Variants in ORM1 observed in about 807,000 individuals in gnomAD.
ORM1 encodes the protein orosomucoid 1.
ORM1 carries 13 observed loss-of-function variants against 26.9 expected under a neutral mutation model. That is an observed-to-expected ratio of 0.48 (90% CI 0.31 to 0.77). The LOEUF is 0.77. Ranked by LOEUF, ORM1 falls within the 30% of genes least tolerant of loss-of-function variation. The pLI, the probability that ORM1 is intolerant of heterozygous loss-of-function variation, is 0.04. For synonymous variants in ORM1, 76 were observed against 102.2 expected, an observed-to-expected ratio of 0.74 and a Z score of 1.55; for missense variants, 189 against 246.8, an observed-to-expected ratio of 0.77 and a Z score of 1.57.
Position 114,323,732 on chromosome 9 carries a change from A to G in ORM1, c.184A>G (p.Ile62Val), listed in dbSNP as rs151080216. 1.1e-4 allele frequency: 176 copies of G among 1,613,810 alleles called. 1 individual carries two copies. The highest frequency in any genetic ancestry group is 1.5e-4 in the Non-Finnish European group (174 of 1,179,884). ...GGAGTACAATAAGTCGGTTCAGGAG[A>G]TCCAAGCAACCTTCTTTTACTTCAC... ...NEEYNKSVQE[I>V]QATFFYFTPN... Residue 62 changes from isoleucine (I) to valine (V), a missense_variant, in exon 2 of 6, where the codon ATC (isoleucine) becomes GTC (valine). Around this residue, in one of 3 missense-constraint regions of ORM1, gnomAD observed 163 missense variants for 157.7 expected, o/e 1.03. Transcript: ENST00000259396.
chr9:114,324,022 G>C lies in ORM1; in HGVS notation c.262G>C (p.Asp88His). 1 of 1,614,004 alleles carries C rather than the reference G, an allele frequency of 6.2e-7. No homozygotes were observed. The change falls in exon 3 of 6, where the codon GAC becomes CAC. Residue 88 changes from aspartate to histidine, a missense_variant. By Grantham distance (81) the Asp-to-His change is moderately conservative. Transcript: ENST00000259396. ...IFLREYQTRQ[D>H]QCIYNTTYLN... Reference sequence around the variant, plus strand: ...CCGCCTTCTGTTTGGCTTTAGACAGGACCAGTGCATCTATAACACCACCTA... The same window carrying C: ...CCGCCTTCTGTTTGGCTTTAGACAGCACCAGTGCATCTATAACACCACCTA...
chr9:114,325,228 G>A lies in ORM1; in HGVS notation c.540+76G>A, dbSNP rs1933292. 4.5e-4 allele frequency: 634 copies of A among 1,417,284 alleles called. 3 individuals carry two copies. Among genetic ancestry groups the A allele is most frequent in the Middle Eastern group, 1.5e-3 (8 of 5,398 alleles). 87.8% of individuals were successfully genotyped at this position (1,417,284 alleles called of 1,614,324 possible). A position where few individuals can be genotyped will look rare whatever the true frequency, so the allele number is the denominator to read the frequency against. On this transcript the variant is annotated intron_variant, in intron 5 of 5. Coordinates refer to ENST00000259396, the MANE Select transcript of ORM1 (RefSeq NM_000607.4). Reference sequence around the variant, plus strand: ...GCAGCCCCAGAGGCCCAGAGCAGGAGAGCTGCCAGGCAAGGCTGCACAGCT... The same window carrying A: ...GCAGCCCCAGAGGCCCAGAGCAGGAAAGCTGCCAGGCAAGGCTGCACAGCT...
In ORM1 at chr9:114,324,048, C is replaced by T; in HGVS notation, c.288C>T (p.Tyr96=). 2.5e-6 allele frequency: 4 copies of T among 1,614,084 alleles called. 1 individual carries two copies. The highest frequency in any genetic ancestry group is 3.3e-5 in the Admixed American group (2 of 60,018). The change falls in exon 3 of 6, where the codon TAC becomes TAT. Residue 96 remains tyrosine (Y), a synonymous_variant. Transcript: ENST00000259396. ...RQDQCIYNTT[Y]LNVQRENGTI... ...ACCAGTGCATCTATAACACCACCTA[C>T]CTGAATGTCCAGCGGGAAAATGGGA... is the stretch of plus-strand genomic sequence containing the variant.
At chr9:114,325,630 C>A (rs963152962) in intron 5 of ORM1, among the ~76,000 whole-genome samples, 7 of 152,170 alleles carry the variant, frequency 4.6e-5, no homozygotes, top group African/African-American at 1.7e-4. Flanking sequence ...ATAATGAGCT[C>A]CTTAACACTT....
At position 114,324,137 on chromosome 9, in the gene ORM1, G is replaced by A. The variant is rs746043616; in HGVS notation, c.328+49G>A. On this transcript the variant is annotated intron_variant, in intron 3 of 5. Transcript: ENST00000259396. ...AGGGTTCACTGTGGGAACAGGGCAG[G>A]CCAGCATAAGGTGGGGGCTGGATGT... 3.9e-6 allele frequency: 6 copies of A among 1,555,066 alleles called. No individual in the cohort carries two copies. The South Asian group carries it at 6.7e-5, about 17-fold the overall frequency.
rs1829742553 is a variant in ORM1, at chr9:114,324,814, A to C, written c.353A>C (p.His118Pro). 1 of 1,614,032 alleles carries C rather than the reference A, an allele frequency of 6.2e-7. No homozygotes were observed. Among genetic ancestry groups the C allele is most frequent in the Non-Finnish European group, 8.5e-7 (1 of 1,179,940 alleles). ...GTGGGAGGCCAAGAGCATTTCGCTC[A>C]CTTGCTGATCCTCAGGGACACCAAG... is the stretch of plus-strand genomic sequence containing the variant. ...RYVGGQEHFAHLLILRDTKTY... is the reference protein window; with the variant it reads ...RYVGGQEHFAPLLILRDTKTY... Residue 118 changes from histidine (H) to proline (P), a missense_variant, in exon 4 of 6, where the codon CAC (histidine) becomes CCC (proline). By Grantham distance (77) the His-to-Pro change is moderately conservative. Around this residue, in one of 3 missense-constraint regions of ORM1, gnomAD observed 163 missense variants for 157.7 expected, o/e 1.03. Transcript: ENST00000259396.
intron 3 of ORM1, 131 bp downstream of exon 3, chr9:114,324,219 C>G (rs550434759): frequency 1.4e-5 from 12 of 878,972 alleles, no homozygotes; most frequent in Non-Finnish European, 1.8e-6. Context: ...TGAGCTCTAA[C>G]GATGTGCTCA....
chr9:114,325,216 C>G lies in ORM1; in HGVS notation c.540+64C>G, dbSNP rs1366712202. 3.2e-5 allele frequency: 48 copies of G among 1,483,120 alleles called. 1 individual carries two copies. Among genetic ancestry groups the G allele is most frequent in the Non-Finnish European group, 4.5e-5 (48 of 1,064,090 alleles). The allele number at this position is 1,483,120 out of a possible 1,614,324, so 91.9% of individuals were successfully genotyped here. A position where few individuals can be genotyped will look rare whatever the true frequency, so the allele number is the denominator to read the frequency against. ...GGCCCAACTTGGGCAGCCCCAGAGG[C>G]CCAGAGCAGGAGAGCTGCCAGGCAA... On this transcript the variant is annotated intron_variant, in intron 5 of 5. Coordinates refer to ENST00000259396, the MANE Select transcript of ORM1 (RefSeq NM_000607.4).
In ORM1 at chr9:114,324,028, TG is replaced by T; in HGVS notation, c.269del (p.Cys90SerfsTer8). 6.2e-7 allele frequency: 1 copy of T among 1,613,940 alleles called. No homozygotes were observed. The highest frequency in any genetic ancestry group is 8.5e-7 in the Non-Finnish European group (1 of 1,179,976). On this transcript the variant is annotated frameshift_variant, in exon 3 of 6. Coordinates refer to ENST00000259396, the MANE Select transcript of ORM1 (RefSeq NM_000607.4). LOFTEE classifies it high-confidence loss of function. Reference protein sequence around the residue: ...LREYQTRQDQCIYNTTYLNVQ... With the variant: ...LREYQTRQDQXIYNTTYLNVQ... ...TCTGTTTGGCTTTAGACAGGACCAG[TG>T]CATCTATAACACCACCTACCTGAAT... is the stretch of plus-strand genomic sequence containing the variant.
intron 5 of ORM1, among the ~76,000 whole-genome samples, chr9:114,325,442 G>A (rs1163087071): frequency 2.6e-5 from 4 of 151,762 alleles, no homozygotes; most frequent in Admixed American, 6.6e-5. Context: ...GGGACGTAAT[G>A]CGGGGAGTTA....
intron 1 of ORM1, 160 bp downstream of exon 1, chr9:114,323,407 G>C: frequency 1.1e-6 from 1 of 920,764 alleles, no homozygotes. Flanking sequence ...AGGGGACTCT[G>C]GAGGCACCCC....
In ORM1 at chr9:114,323,181, G is replaced by A. The variant is rs750031306; in HGVS notation, c.48G>A (p.Leu16=). 9 of 1,560,624 alleles carry A rather than the reference G, an allele frequency of 5.8e-6. No individual in the cohort carries two copies. In the South Asian group the frequency reaches 8.0e-5, roughly 14 times the overall value. Residue 16 remains leucine, a synonymous_variant, in exon 1 of 6, where the codon CTG becomes CTA. Coordinates refer to ENST00000259396, the MANE Select transcript of ORM1 (RefSeq NM_000607.4). ...VLTVLSLLPL[L]EAQIPLCANL... is the part of the protein sequence containing the mutation. ...CAGTCCTGAGCCTCCTACCTCTGCT[G>A]GAAGCCCAGATCCCATTGTGTGCCA...
Position 114,326,089 on chromosome 9 carries a change from T to G in ORM1, c.541-203T>G, listed in dbSNP as rs28587868. 6.7e-3 allele frequency among the ~76,000 whole-genome samples: 982 copies of G among 145,482 alleles called. 32 individuals carry two copies. Among genetic ancestry groups the G allele is most frequent in the East Asian group, 0.067 (347 of 5,156 alleles). ...GATTCTTAAGAGTCTGAGCTCCCAT[T>G]GTAGAGGCAAGTAAGCTGAGGTTCA... On this transcript the variant is annotated intron_variant, in intron 5 of 5. Transcript: ENST00000259396.
chr9:114,325,105 T>A lies in ORM1; in HGVS notation c.493T>A (p.Cys165Ser). The A allele has an allele frequency of 6.2e-7, 1 of 1,614,022 alleles. No homozygotes were observed. The highest frequency in any genetic ancestry group is 2.2e-5 in the East Asian group (1 of 44,884). The change falls in exon 5 of 6, where the codon TGC becomes AGC. Residue 165 changes from cysteine (C) to serine (S), a missense_variant. Around this residue, in one of 3 missense-constraint regions of ORM1, gnomAD observed 163 missense variants for 157.7 expected, o/e 1.03. Coordinates refer to ENST00000259396, the MANE Select transcript of ORM1 (RefSeq NM_000607.4). Reference protein sequence around the residue: ...QLGEFYEALDCLRIPKSDVVY... With the variant: ...QLGEFYEALDSLRIPKSDVVY... ...GGGAGAGTTCTACGAAGCTCTCGAC[T>A]GCTTGCGCATTCCCAAGTCAGATGT...
chr9:114,324,749 C>T (rs1366413691), intron 3 of ORM1, 41 bp from the exon 4 acceptor site: 3 of 1,490,816 alleles, frequency 2.0e-6, no homozygotes, highest in Middle Eastern at 1.7e-4. Context: ...CACCATTGTG[C>T]CATCCCATGT....
At position 114,326,168 on chromosome 9, in the gene ORM1, G is replaced by T; in HGVS notation, c.541-124G>T. 4 of 1,350,508 alleles carry T rather than the reference G, an allele frequency of 3.0e-6. 1 individual carries two copies. Among genetic ancestry groups the T allele is most frequent in the Non-Finnish European group, 4.1e-6 (4 of 980,400 alleles). The allele number at this position is 1,350,508 out of a possible 1,614,324, so 83.7% of individuals were successfully genotyped here. On this transcript the variant is annotated intron_variant, in intron 5 of 5. Coordinates refer to ENST00000259396, the MANE Select transcript of ORM1 (RefSeq NM_000607.4). ...CCCAGCTGGGAAGTGACAGTGCCAG[G>T]GTTGGAGCCCTGGTTGAGCTGGTTC...
Position 114,324,107 on chromosome 9 carries a change from G to A in ORM1, c.328+19G>A, listed in dbSNP as rs761360264. 26 of 1,609,442 alleles carry A rather than the reference G, an allele frequency of 1.6e-5. No homozygotes were observed. In the East Asian group the frequency reaches 5.8e-4, roughly 36 times the overall value. ...AGATACGGTGAGGGCCAGCCCTCAG[G>A]CAGGAGGGTTCACTGTGGGAACAGG... On this transcript the variant is annotated intron_variant, in intron 3 of 5. Coordinates refer to ENST00000259396, the MANE Select transcript of ORM1 (RefSeq NM_000607.4).
In ORM1 at chr9:114,323,816, C is replaced by T. The variant is rs1393150345; in HGVS notation, c.257+11C>T. The stretch of plus-strand genomic sequence containing the variant: ...AGAGTACCAGACCCGGTGAGAGCCC[C>T]CATTCCAATGCACCCCCATCTCAGC... On this transcript the variant is annotated intron_variant, in intron 2 of 5. Coordinates refer to ENST00000259396, the MANE Select transcript of ORM1 (RefSeq NM_000607.4). 1.2e-6 allele frequency: 2 copies of T among 1,613,890 alleles called. No homozygotes were observed. The highest frequency in any genetic ancestry group is 1.1e-5 in the South Asian group (1 of 91,064).
chr9:114,324,240 T>G (rs1367715943), intron 3 of ORM1, 152 bp downstream of exon 3: 2 of 782,336 alleles, frequency 2.6e-6, no homozygotes, highest in South Asian at 1.7e-5. Flanking sequence ...GAAACAACTC[T>G]AAGAGGACAC....
Sources: allele counts gnomAD v4.1 joint callset (sites outside exome capture counted in the v4.1 genomes callset), GRCh38; gene constraint gnomAD v4.1.1; regional missense constraint gnomAD v4.1.1; transcripts MANE v1.5; gene names NCBI Gene and HGNC (gene_info 2026-07-23, HGNC 2026-07-21).